PARP12: variants seen among roughly 807,000 people sequenced by gnomAD.
The protein encoded by PARP12 is poly(ADP-ribose) polymerase family member 12.
In PARP12, 59 loss-of-function variants were observed where a neutral mutation model predicts 72.4. The observed-to-expected ratio is 0.81, with a 90% CI of 0.66 to 1.01. PARP12 has a LOEUF of 1.01. PARP12 is among the 50% of genes least tolerant of loss of function. The pLI is 0.00. For missense variants in PARP12, 851 were observed against 914.0 expected (o/e 0.93, Z 0.89); for synonymous variants, 403 against 371.4 (o/e 1.09, Z -0.98).
intron 7 of PARP12, among the ~76,000 whole-genome samples, chr7:140,034,971 T>C (rs1223697266): frequency 6.6e-6 from 1 of 152,216 alleles, no homozygotes; most frequent in Non-Finnish European, 1.5e-5. Flanking sequence ...TGGGGTCTTT[T>C]GCTTTGTTGC....
intron 7 of PARP12, among the ~76,000 whole-genome samples, chr7:140,035,872 AGAG>A (rs1242244960): frequency 7.4e-6 from 1 of 135,664 alleles, no homozygotes; most frequent in Non-Finnish European, 1.6e-5. Context: ...GGGAAGAGGA[AGAG>A]GAGGAGGAAG....
At chr7:140,050,855 A>C (rs776804787) in intron 4 of PARP12, among the ~76,000 whole-genome samples, 1 of 152,234 alleles carries the variant, frequency 6.6e-6, no homozygotes, top group Admixed American at 6.5e-5. Context: ...ATACCTGTAC[A>C]CTATAAAGGA....
chr7:140,034,751 T>C (rs1031382958), intron 7 of PARP12: 1 of 162,896 alleles, frequency 6.1e-6, no homozygotes, highest in Non-Finnish European at 1.3e-5. Context: ...AGTTAAACTA[T>C]GGCAGTATTC....
chr7:140,041,513 G>T, intron 6 of PARP12, 131 bp downstream of exon 6: 1 of 857,862 alleles, frequency 1.2e-6, no homozygotes. Flanking sequence ...CAAAGCAAGT[G>T]AGCCACACTG....
At chr7:140,034,690 G>T in intron 7 of PARP12, 1 of 188,664 alleles carries the variant, frequency 5.3e-6, no homozygotes, top group Non-Finnish European at 1.1e-5. Flanking sequence ...AAACTACCAT[G>T]TCTTGAGTTA....
At position 140,056,947 on chromosome 7, in the gene PARP12, C is replaced by T. The variant is rs1562930796; in HGVS notation, c.669G>A (p.Leu223=). The T allele has an allele frequency of 6.2e-7, 1 of 1,614,140 alleles. No individual in the cohort carries two copies. The highest frequency in any genetic ancestry group is 1.3e-5 in the African/African-American group (1 of 75,044). ...LGMSSDLVSR[L]PTIYRNAHDI... ...CATGTGCATTTCTATAAATGGTAGG[C>T]AGCCTGCTCACCAGGTCTGAGCTCA... The change falls in exon 3 of 12, where the codon CTG becomes CTA. Residue 223 remains leucine, a synonymous_variant. Coordinates refer to ENST00000263549, the MANE Select transcript of PARP12 (RefSeq NM_022750.4).
chr7:140,062,029 G>C (rs941062747), intron 1 of PARP12, among the ~76,000 whole-genome samples: 2 of 151,838 alleles, frequency 1.3e-5, no homozygotes, highest in African/African-American at 4.8e-5. Flanking sequence ...TGGGTGGGCA[G>C]GGACCAGTGC....
chr7:140,042,907 A>G (rs1227615187), intron 5 of PARP12, among the ~76,000 whole-genome samples: 1 of 152,132 alleles, frequency 6.6e-6, no homozygotes, highest in African/African-American at 2.4e-5. Flanking sequence ...CCTCAAAAGA[A>G]TTTCTTGGCC....
chr7:140,041,762 T>C lies in PARP12; in HGVS notation c.1064A>G (p.Gln355Arg), dbSNP rs1569527406. 6.2e-7 allele frequency: 1 copy of C among 1,614,074 alleles called. No individual in the cohort carries two copies. The highest frequency in any genetic ancestry group is 8.5e-7 in the Non-Finnish European group (1 of 1,179,964). Residue 355 changes from glutamine to arginine, a missense_variant, in exon 6 of 12, where the codon CAG becomes CGG. Physicochemically the swap from Gln to Arg is conservative, Grantham distance 43. Transcript: ENST00000263549. The part of the protein sequence containing the change: ...NFNAMTYGAT[Q>R]ARRLSTASSV... Reference sequence around the variant, plus strand: ...GGAGGCCGTGGAGAGGCGGCGAGCCTGGGTAGCACCGTAAGTCATGGCGTT... The same window carrying C: ...GGAGGCCGTGGAGAGGCGGCGAGCCCGGGTAGCACCGTAAGTCATGGCGTT...
intron 4 of PARP12, among the ~76,000 whole-genome samples, chr7:140,048,006 C>G (rs1412191078): frequency 1.3e-5 from 2 of 152,168 alleles, no homozygotes; most frequent in Non-Finnish European, 2.9e-5. Context: ...GGTCAAAGGT[C>G]TCATCACTGC....
At chr7:140,038,917 C>T (rs1816333137) in intron 6 of PARP12, among the ~76,000 whole-genome samples, 1 of 152,202 alleles carries the variant, frequency 6.6e-6, no homozygotes, top group South Asian at 2.1e-4. Flanking sequence ...CAAGGTCCCA[C>T]ACAGGTCTCA....
intron 7 of PARP12, among the ~76,000 whole-genome samples, chr7:140,037,365 A>T (rs1471221064): frequency 2.0e-5 from 3 of 152,248 alleles, no homozygotes; most frequent in African/African-American, 7.2e-5. Flanking sequence ...AGGGAGTGAA[A>T]GGCAGACACT....
chr7:140,046,015 G>A (rs1816704266), intron 5 of PARP12, among the ~76,000 whole-genome samples: 1 of 152,234 alleles, frequency 6.6e-6, no homozygotes, highest in Non-Finnish European at 1.5e-5. Context: ...ACTGGAAGGA[G>A]ATGGGGTGAG....
chr7:140,062,487 C>G, intron 1 of PARP12, 35 bp downstream of exon 1: 1 of 1,510,880 alleles, frequency 6.6e-7, no homozygotes, highest in Non-Finnish European at 8.8e-7. Context: ...CGCGCAGGAC[C>G]TCCGCCCGCC....
chr7:140,026,726 T>C (rs1056813685), intron 10 of PARP12, among the ~76,000 whole-genome samples: 2 of 151,962 alleles, frequency 1.3e-5, no homozygotes, highest in Admixed American at 1.3e-4. Flanking sequence ...TGGGTGCCCA[T>C]CCTTCTCCCC....
At chr7:140,040,812 G>A (rs1816433776) in intron 6 of PARP12, among the ~76,000 whole-genome samples, 1 of 152,216 alleles carries the variant, frequency 6.6e-6, no homozygotes, top group African/African-American at 2.4e-5. Flanking sequence ...CGCCCAGGCT[G>A]GAGTACAGTG....
Position 140,028,636 on chromosome 7 carries a change from CAG to C in PARP12, c.1472_1473del (p.Ser491CysfsTer13). 1 of 1,601,576 alleles carries C rather than the reference CAG, an allele frequency of 6.2e-7. No individual in the cohort carries two copies. The highest frequency in any genetic ancestry group is 8.5e-7 in the Non-Finnish European group (1 of 1,173,732). ...PKSIPDYWDS[S>X]ALPDPGFQKI... ...ACCTGAAAGCCTGGGTCTGGCAGGG[CAG>C]AGGAGTCCCAATAGTCTGGGATGCT... is the stretch of plus-strand genomic sequence containing the variant. On this transcript the variant is annotated frameshift_variant, in exon 9 of 12. Transcript: ENST00000263549. LOFTEE classifies it high-confidence loss of function.
intron 8 of PARP12, chr7:140,028,902 A>G: frequency 2.2e-5 from 9 of 405,644 alleles, no homozygotes; most frequent in Non-Finnish European, 4.1e-5. Flanking sequence ...AACAGTCCTG[A>G]GAGATCTATT....
intron 1 of PARP12, among the ~76,000 whole-genome samples, chr7:140,060,210 T>C (rs2362462): frequency 0.54 from 81,518 of 151,928 alleles, 24,488 homozygotes; most frequent in African/African-American, 0.82. Flanking sequence ...CCCGAAGCCA[T>C]CAGCTAGCAA....
Sources: gnomAD v4.1 joint callset for allele counts (sites outside exome capture counted in the v4.1 genomes callset) on GRCh38, gnomAD v4.1.1 for gene constraint, MANE v1.5 for transcripts, NCBI Gene and HGNC (gene_info 2026-07-23, HGNC 2026-07-21) for gene names.